The following ADGRA3 variants were observed in gnomAD, a reference collection of about 807,000 sequenced individuals.
ADGRA3 encodes the protein adhesion G protein-coupled receptor A3.
Under a neutral mutation model 119.8 loss-of-function variants are expected in ADGRA3, and 56 were observed. The ratio of observed to expected loss-of-function variants is 0.47; its 90% CI spans 0.38 to 0.58. The LOEUF is 0.58. ADGRA3 is among the 20% of genes least tolerant of loss of function. ADGRA3 has a pLI of 0.00. For missense variants in ADGRA3, 1,516 were observed against 1,649.0 expected, an observed-to-expected ratio of 0.92 and a Z score of 1.40; for synonymous variants, 607 against 623.8, an observed-to-expected ratio of 0.97 and a Z score of 0.40.
At chr4:22,403,071 A>G (rs1714740172) in intron 14 of ADGRA3, among the ~76,000 whole-genome samples, 1 of 152,164 alleles carries the variant, frequency 6.6e-6, no homozygotes, top group African/African-American at 2.4e-5. Flanking sequence ...AGGGTAAAAG[A>G]GAAATCAGCC....
chr4:22,447,654 G>A lies in ADGRA3; in HGVS notation c.474-143C>T, dbSNP rs931253811. 18 of 498,912 alleles carry A rather than the reference G, an allele frequency of 3.6e-5. No individual in the cohort carries two copies. In the East Asian group the frequency reaches 5.4e-4, roughly 15 times the overall value. 30.9% of individuals were successfully genotyped at this position (498,912 alleles called of 1,614,324 possible). On this transcript the variant is annotated intron_variant, in intron 4 of 18. Coordinates refer to ENST00000334304, the MANE Select transcript of ADGRA3 (RefSeq NM_145290.4). ...GTTTCAATGCTTATAAAGAGGGAGC[G>A]ATTAGAAAACACTTCCTCCAAGGGT...
rs139718434 is a variant in ADGRA3, at chr4:22,388,584, G to A, written c.3087C>T (p.Phe1029=). The A allele has an allele frequency of 3.5e-5, 57 of 1,613,844 alleles. No homozygotes were observed. The highest frequency in any genetic ancestry group is 1.6e-4 in the Middle Eastern group (1 of 6,084). ...AGCTTAAACTTGTGGCTCCAAAAAC[G>A]AAGCTAAAAACCAAGTCCAAAGGGT... ...LYYPLDLVFS[F]VFGATSLSFS... The change falls in exon 19 of 19, where the codon TTC becomes TTT. Residue 1029 remains phenylalanine, a synonymous_variant. Coordinates refer to ENST00000334304, the MANE Select transcript of ADGRA3 (RefSeq NM_145290.4).
intron 2 of ADGRA3, 79 bp from the exon 3 acceptor site, chr4:22,461,887 C>A: frequency 8.8e-6 from 7 of 796,196 alleles, no homozygotes; most frequent in South Asian, 2.0e-5. Context: ...ACCTGCTATA[C>A]AAAAAAAACA....
At chr4:22,389,233 A>G in intron 17 of ADGRA3, 50 bp from the exon 18 acceptor site, 1 of 1,191,698 alleles carries the variant, frequency 8.4e-7, no homozygotes, top group Non-Finnish European at 1.3e-6. Flanking sequence ...ATTTCTTAAC[A>G]TGTATCTCTC....
At chr4:22,484,271 C>A (rs1331520908) in intron 1 of ADGRA3, among the ~76,000 whole-genome samples, 1 of 151,974 alleles carries the variant, frequency 6.6e-6, no homozygotes, top group Non-Finnish European at 1.5e-5. Context: ...TATTCTTATT[C>A]TTTTAATAGT....
intron 10 of ADGRA3, among the ~76,000 whole-genome samples, chr4:22,426,203 T>C (rs1715926193): frequency 6.6e-6 from 1 of 152,166 alleles, no homozygotes; most frequent in Non-Finnish European, 1.5e-5. Flanking sequence ...ATAGGACCAA[T>C]GCATCCAACT....
At chr4:22,399,813 AT>A (rs71182939) in intron 16 of ADGRA3, among the ~76,000 whole-genome samples, 11,790 of 152,074 alleles carry the variant, frequency 0.078, 828 homozygotes, top group East Asian at 0.29. Flanking sequence ...TTGGTCATTT[AT>A]TTTCACATAA....
intron 1 of ADGRA3, among the ~76,000 whole-genome samples, chr4:22,512,767 T>A (rs981368662): frequency 6.6e-6 from 1 of 152,126 alleles, no homozygotes; most frequent in African/African-American, 2.4e-5. Flanking sequence ...ATAGATTGAT[T>A]TGGGGTTTGT....
At chr4:22,499,839 T>A (rs1011473726) in intron 1 of ADGRA3, among the ~76,000 whole-genome samples, 3 of 152,208 alleles carry the variant, frequency 2.0e-5, no homozygotes, top group African/African-American at 7.2e-5. Flanking sequence ...AGTTGTTAGT[T>A]ACTTGGACAT....
intron 12 of ADGRA3, among the ~76,000 whole-genome samples, chr4:22,418,678 G>A (rs1303811647): frequency 1.3e-5 from 2 of 152,114 alleles, no homozygotes; most frequent in East Asian, 1.9e-4. Flanking sequence ...GGTGCACAAG[G>A]TCAATTTCCA....
At chr4:22,484,830 G>A (rs949995755) in intron 1 of ADGRA3, among the ~76,000 whole-genome samples, 1 of 151,966 alleles carries the variant, frequency 6.6e-6, no homozygotes, top group African/African-American at 2.4e-5. Context: ...ATAAGCATCT[G>A]ACTGTTGATG....
At position 22,424,172 on chromosome 4, in the gene ADGRA3, ATGATAATG is replaced by A; in HGVS notation, c.1605+11_1605+18del. 6.3e-7 allele frequency: 1 copy of A among 1,594,366 alleles called. No individual in the cohort carries two copies. Among genetic ancestry groups the A allele is most frequent in the Non-Finnish European group, 8.6e-7 (1 of 1,167,470 alleles). ...AATGCACTTTTTTTCTCAGGAGTCT[ATGATAATG>A]TTACACTTACTGTTGAATAAACGTG... On this transcript the variant is annotated intron_variant, in intron 11 of 18. Transcript: ENST00000334304.
chr4:22,495,270 T>G (rs1718771482), intron 1 of ADGRA3, among the ~76,000 whole-genome samples: 1 of 151,968 alleles, frequency 6.6e-6, no homozygotes, highest in South Asian at 2.1e-4. Context: ...CTACTCAGAA[T>G]GGTACACAAT....
At chr4:22,449,167 A>G (rs1055506159) in intron 4 of ADGRA3, among the ~76,000 whole-genome samples, 10 of 151,662 alleles carry the variant, frequency 6.6e-5, no homozygotes, top group African/African-American at 2.4e-4. Flanking sequence ...CTACTCAGGA[A>G]GCTGAGACAC....
chr4:22,515,936 C>T lies in ADGRA3; in HGVS notation c.-152G>A, dbSNP rs1719654808. On this transcript the variant is annotated 5_prime_UTR_variant, in exon 1 of 19. Transcript: ENST00000334304. ...GGCCTTCCCCGGCGCGGACATGCTC[C>T]TTTGTCCGCTGCGGCTGCGCTGGGC... 7 of 336,790 alleles carry T rather than the reference C, an allele frequency of 2.1e-5. No individual in the cohort carries two copies. The South Asian group carries it at 7.6e-4, about 36-fold the overall frequency. The allele number at this position is 336,790 out of a possible 1,614,324, so 20.9% of individuals were successfully genotyped here. A position where few individuals can be genotyped will look rare whatever the true frequency, so the allele number is the denominator to read the frequency against.
intron 10 of ADGRA3, among the ~76,000 whole-genome samples, chr4:22,434,679 A>G (rs1340600007): frequency 6.6e-6 from 1 of 152,200 alleles, no homozygotes; most frequent in African/African-American, 2.4e-5. Context: ...AAATTATTCA[A>G]AACATTAATT....
chr4:22,450,101 T>C (rs547777697), intron 4 of ADGRA3, among the ~76,000 whole-genome samples: 101 of 152,196 alleles, frequency 6.6e-4, no homozygotes, highest in Admixed American at 1.7e-3. Flanking sequence ...TTTACAACAT[T>C]ACAATCGCAG....
At chr4:22,392,022 C>A (rs1342881876) in intron 17 of ADGRA3, among the ~76,000 whole-genome samples, 6 of 152,188 alleles carry the variant, frequency 3.9e-5, no homozygotes. Context: ...TCTGTAAATC[C>A]CTGGCCCAGG....
In ADGRA3 at chr4:22,506,142, G is replaced by C. The variant is rs556727514; in HGVS notation, c.257+9386C>G. The stretch of plus-strand genomic sequence containing the variant: ...AAAAAAACCAGGGGTGCTGAAGATG[G>C]GGGGAGAAGCAGGAAGGTGCTGGAG... On this transcript the variant is annotated intron_variant, in intron 1 of 18. Coordinates refer to ENST00000334304, the MANE Select transcript of ADGRA3 (RefSeq NM_145290.4). Among the ~76,000 whole-genome samples the C allele has an allele frequency of 1.6e-4, 25 of 152,256 alleles. 1 individual carries two copies. The highest frequency in any genetic ancestry group is 4.8e-4 in the African/African-American group (20 of 41,554).
Sources: gnomAD v4.1 joint callset for allele counts (sites outside exome capture counted in the v4.1 genomes callset) on GRCh38, gnomAD v4.1.1 for gene constraint, MANE v1.5 for transcripts, NCBI Gene and HGNC (gene_info 2026-07-23, HGNC 2026-07-21) for gene names.